The following CCDC178 variants were observed in gnomAD, a reference collection of about 807,000 sequenced individuals.
CCDC178 encodes coiled-coil domain-containing protein 178.
Under a neutral mutation model 117.4 loss-of-function variants are expected in CCDC178, and 126 were observed. The observed-to-expected ratio is 1.07, with a 90% confidence interval of 0.93 to 1.24. CCDC178 has a LOEUF of 1.24. Among genes scored for constraint, CCDC178 ranks in the 50% most tolerant of loss-of-function variants. The pLI, the probability that CCDC178 is intolerant of heterozygous loss-of-function variation, is 0.00. For synonymous variants in CCDC178, 283 were observed against 313.4 expected, an observed-to-expected ratio of 0.90 and a Z score of 1.02; for missense variants, 1,030 against 986.9, an observed-to-expected ratio of 1.04 and a Z score of -0.59.
chr18:33,196,922 A>T (rs545954397), intron 20 of CCDC178, among the ~76,000 whole-genome samples: 1 of 152,102 alleles, frequency 6.6e-6, no homozygotes, highest in Non-Finnish European at 1.5e-5. Context: ...AGGACTTGAT[A>T]TATTGCTTGC....
intron 20 of CCDC178, among the ~76,000 whole-genome samples, chr18:33,136,973 G>A (rs2058136151): frequency 2.6e-5 from 4 of 152,118 alleles, no homozygotes; most frequent in Admixed American, 6.6e-5. Context: ...GAACAAACAG[G>A]CAATATCCCT....
At chr18:33,116,185 C>T (rs945294322) in intron 20 of CCDC178, among the ~76,000 whole-genome samples, 1 of 152,004 alleles carries the variant, frequency 6.6e-6, no homozygotes, top group African/African-American at 2.4e-5. Flanking sequence ...CTTTACCTTT[C>T]TAAACCTCAA....
At chr18:33,236,904 C>A (rs888555280) in intron 15 of CCDC178, among the ~76,000 whole-genome samples, 1 of 152,138 alleles carries the variant, frequency 6.6e-6, no homozygotes, top group Non-Finnish European at 1.5e-5. Context: ...TCATCAGCCC[C>A]CACTGCCACT....
At chr18:33,033,776 G>A (rs886261224) in intron 21 of CCDC178, among the ~76,000 whole-genome samples, 3 of 151,706 alleles carry the variant, frequency 2.0e-5, no homozygotes, top group African/African-American at 7.3e-5. Flanking sequence ...GAATTACAAT[G>A]TCATTTTTCA....
At chr18:33,174,137 C>T (rs1399420488) in intron 20 of CCDC178, among the ~76,000 whole-genome samples, 1 of 151,692 alleles carries the variant, frequency 6.6e-6, no homozygotes, top group African/African-American at 2.4e-5. Context: ...AAAGGGGGAG[C>T]AGGTACGTCA....
At position 33,426,740 on chromosome 18, in the gene CCDC178, C is replaced by T. The variant is rs554864607; in HGVS notation, c.-23+13222G>A. Among the ~76,000 whole-genome samples the T allele has an allele frequency of 2.0e-5, 3 of 152,206 alleles. No homozygotes were observed. In the East Asian group the frequency reaches 5.8e-4, roughly 29 times the overall value. Reference sequence around the variant, plus strand: ...TTACAGTCTCTTGAATAATTGTGTACGTGTGTTACTTTTCCTACTGAAGAG... The same window carrying T: ...TTACAGTCTCTTGAATAATTGTGTATGTGTGTTACTTTTCCTACTGAAGAG... On this transcript the variant is annotated intron_variant, in intron 2 of 22. Coordinates refer to ENST00000383096, the MANE Select transcript of CCDC178 (RefSeq NM_001105528.4).
intron 21 of CCDC178, 26 bp downstream of exon 21, chr18:33,092,735 C>G (rs777771235): frequency 6.6e-7 from 1 of 1,510,652 alleles, no homozygotes; most frequent in South Asian, 1.2e-5. Flanking sequence ...AAATCATCAC[C>G]TTAAAACAAT....
intron 22 of CCDC178, 151 bp downstream of exon 22, chr18:32,974,396 A>G (rs1476671088): frequency 2.9e-6 from 2 of 680,176 alleles, no homozygotes; most frequent in African/African-American, 3.6e-5. Context: ...AACTTACTGA[A>G]TTCATTCTTC....
At chr18:33,351,148 A>ATGTGTGTGTG (rs143702049) in intron 7 of CCDC178, among the ~76,000 whole-genome samples, 1,577 of 138,108 alleles carry the variant, frequency 0.011, 13 homozygotes, top group African/African-American at 0.022. Flanking sequence ...ACTGATCATG[A>ATGTGTGTGTG]TGTGTGTGTG....
chr18:33,322,595 T>A (rs773796623), intron 11 of CCDC178, among the ~76,000 whole-genome samples: 3 of 151,570 alleles, frequency 2.0e-5, no homozygotes, highest in Non-Finnish European at 4.4e-5. Flanking sequence ...CATAGAAATT[T>A]TAAAAATACA....
chr18:33,341,991 CT>C lies in CCDC178; in HGVS notation c.658+4219del, dbSNP rs137967946. Among the ~76,000 whole-genome samples, 992 of 152,202 alleles carry C rather than the reference CT, an allele frequency of 6.5e-3. 15 individuals carry two copies. Among genetic ancestry groups the C allele is most frequent in the African/African-American group, 0.022 (921 of 41,530 alleles). On this transcript the variant is annotated intron_variant, in intron 9 of 22. Transcript: ENST00000383096. ...ACTTCAAGGAAATGAAAAACTCTAA[CT>C]TGAAACTTAAGAAGGTTTAGAGATC...
chr18:33,120,814 T>C (rs1177187977), intron 20 of CCDC178, among the ~76,000 whole-genome samples: 3 of 152,158 alleles, frequency 2.0e-5, no homozygotes, highest in African/African-American at 7.2e-5. Context: ...TATATAACTT[T>C]ATTATCTCAG....
At chr18:33,385,728 T>C (rs2063484742) in intron 5 of CCDC178, among the ~76,000 whole-genome samples, 1 of 152,094 alleles carries the variant, frequency 6.6e-6, no homozygotes, top group African/African-American at 2.4e-5. Context: ...AAGTGGCAAA[T>C]TTATAGCACT....
intron 21 of CCDC178, among the ~76,000 whole-genome samples, chr18:33,091,107 C>A (rs927072619): frequency 2.6e-5 from 4 of 151,952 alleles, no homozygotes; most frequent in African/African-American, 7.2e-5. Context: ...AAAGGAAATA[C>A]AGTATAGTCA....
Position 33,431,074 on chromosome 18 carries a change from C to CAA in CCDC178, c.-23+8886_-23+8887dup, listed in dbSNP as rs368036930. Among the ~76,000 whole-genome samples, 326 of 66,290 alleles carry CAA rather than the reference C, an allele frequency of 4.9e-3. 1 individual carries two copies. Among genetic ancestry groups the CAA allele is most frequent in the African/African-American group, 0.015 (232 of 15,376 alleles). The allele number at this position is 66,290 out of a possible 152,430, so 43.5% of individuals were successfully genotyped here. ...TGGGCAACCGTGCGAGACTACGTCT[C>CAA]AAAAAAAAAAAAAAAAAAGAACATC... On this transcript the variant is annotated intron_variant, in intron 2 of 22. Coordinates refer to ENST00000383096, the MANE Select transcript of CCDC178 (RefSeq NM_001105528.4).
At chr18:33,011,928 G>T (rs2055880492) in intron 21 of CCDC178, among the ~76,000 whole-genome samples, 1 of 151,582 alleles carries the variant, frequency 6.6e-6, no homozygotes, top group African/African-American at 2.4e-5. Context: ...AGTTTTAGTT[G>T]ATTTTCTTGC....
chr18:33,412,778 TTCACATTTGTC>T (rs2063876328), intron 2 of CCDC178, among the ~76,000 whole-genome samples: 2 of 152,192 alleles, frequency 1.3e-5, no homozygotes, highest in African/African-American at 2.4e-5. Context: ...ATATTTTGTG[TTCACATTTGTC>T]TCACATTTTC....
intron 21 of CCDC178, among the ~76,000 whole-genome samples, chr18:33,017,915 G>GA (rs1241684091): frequency 6.7e-6 from 1 of 148,826 alleles, no homozygotes; most frequent in Admixed American, 6.7e-5. Context: ...AGCTACAGAA[G>GA]AAAAAAAAAG....
intron 20 of CCDC178, among the ~76,000 whole-genome samples, chr18:33,173,049 A>G (rs1350713334): frequency 6.6e-6 from 1 of 151,912 alleles, no homozygotes; most frequent in Non-Finnish European, 1.5e-5. Flanking sequence ...AGTTGCATTT[A>G]GTTTTTGTTT....
Sources: allele counts gnomAD v4.1 joint callset (sites outside exome capture counted in the v4.1 genomes callset), GRCh38; gene constraint gnomAD v4.1.1; transcripts MANE v1.5; gene names NCBI Gene and HGNC (gene_info 2026-07-23, HGNC 2026-07-21).